The following UTRN variants were observed in gnomAD, a reference collection of about 807,000 sequenced individuals.
UTRN encodes utrophin.
Under a neutral mutation model 463.9 loss-of-function variants are expected in UTRN, and 283 were observed. The observed-to-expected ratio is 0.61, with a 90% confidence interval of 0.55 to 0.67. The LOEUF (loss-of-function observed/expected upper bound fraction) is 0.67, where lower values mean the gene tolerates loss of function less well. UTRN is among the 30% of genes least tolerant of loss of function. The pLI, the probability that UTRN is intolerant of heterozygous loss-of-function variation, is 0.00. For synonymous variants in UTRN, 1,442 were observed against 1,431.5 expected, an observed-to-expected ratio of 1.01 and a Z score of -0.17; for missense variants, 3,922 against 4,084.3, an observed-to-expected ratio of 0.96 and a Z score of 1.08.
intron 51 of UTRN, among the ~76,000 whole-genome samples, chr6:144,633,262 C>G (rs1362234600): frequency 2.2e-5 from 3 of 135,342 alleles, no homozygotes; most frequent in African/African-American, 8.7e-5. Context: ...CGGAGTCTTG[C>G]TCTGTCACCC....
In UTRN at chr6:144,730,440, A is replaced by G. The variant is rs762062969; in HGVS notation, c.7893A>G (p.Pro2631=). ...CCCGAGTTTTCTTGGCTGATCAGCC[A>G]ATTGAGGCCCCTGAAGAGCCAAGAA... ...DQARVFLADQ[P]IEAPEEPRRN... The change falls in exon 54 of 75, where the codon CCA becomes CCG. Residue 2631 remains proline, a synonymous_variant. Transcript: ENST00000367545. 5 of 1,611,248 alleles carry G rather than the reference A, an allele frequency of 3.1e-6. No individual in the cohort carries two copies. The Admixed American group carries it at 6.7e-5, about 22-fold the overall frequency.
chr6:144,710,527 A>G (rs1430673490), intron 53 of UTRN, among the ~76,000 whole-genome samples: 4 of 151,020 alleles, frequency 2.6e-5, no homozygotes, highest in African/African-American at 9.7e-5. Context: ...TTGATCCTTA[A>G]TTAAATGTGC....
intron 19 of UTRN, among the ~76,000 whole-genome samples, chr6:144,458,396 T>C (rs1426011786): frequency 6.6e-6 from 1 of 152,200 alleles, no homozygotes; most frequent in Non-Finnish European, 1.5e-5. Context: ...CAAAGGGTCT[T>C]CTTTCTGAAG....
intron 3 of UTRN, among the ~76,000 whole-genome samples, chr6:144,405,736 C>A (rs1166675315): frequency 6.6e-6 from 1 of 152,142 alleles, no homozygotes; most frequent in African/African-American, 2.4e-5. Flanking sequence ...TCCTTTGTGG[C>A]CTCCTCCCCA....
At chr6:144,504,202 C>T (rs908029683) in intron 34 of UTRN, among the ~76,000 whole-genome samples, 2 of 152,164 alleles carry the variant, frequency 1.3e-5, no homozygotes, top group Non-Finnish European at 2.9e-5. Flanking sequence ...AATTTGACTT[C>T]TTCTCTTCCT....
At chr6:144,687,079 A>T (rs1192789364) in intron 52 of UTRN, among the ~76,000 whole-genome samples, 1 of 152,128 alleles carries the variant, frequency 6.6e-6, no homozygotes, top group Non-Finnish European at 1.5e-5. Context: ...CTGGTCTTGT[A>T]TTGACTTGCA....
chr6:144,523,143 A>C lies in UTRN; in HGVS notation c.5861A>C (p.Asn1954Thr). The stretch of plus-strand genomic sequence containing the variant: ...ATCAGAGATACACTTACTCAGCTGA[A>C]TGCAAAATGGGACAGAATTAATAGA... ...IQIRDTLTQL[N>T]AKWDRINRMY... Residue 1954 changes from asparagine to threonine, a missense_variant, in exon 41 of 75, where the codon AAT (asparagine) becomes ACT (threonine). Asn to Thr is a moderately conservative substitution (Grantham distance 65). Transcript: ENST00000367545. The C allele has an allele frequency of 6.2e-7, 1 of 1,612,906 alleles. No individual in the cohort carries two copies. The highest frequency in any genetic ancestry group is 8.5e-7 in the Non-Finnish European group (1 of 1,179,484).
intron 2 of UTRN, among the ~76,000 whole-genome samples, chr6:144,307,176 A>G (rs1336629441): frequency 6.6e-6 from 1 of 152,164 alleles, no homozygotes; most frequent in Non-Finnish European, 1.5e-5. Context: ...GCAGCGGAAG[A>G]TGAAGAATTA....
intron 65 of UTRN, among the ~76,000 whole-genome samples, chr6:144,814,058 CA>C (rs1562942355): frequency 6.6e-6 from 1 of 152,266 alleles, no homozygotes; most frequent in Non-Finnish European, 1.5e-5. Flanking sequence ...CAGGAAGTCT[CA>C]AACTCAAGTA....
At chr6:144,580,229 G>GTGTTGGTGC (rs139890122) in intron 51 of UTRN, among the ~76,000 whole-genome samples, 2 of 151,016 alleles carry the variant, frequency 1.3e-5, no homozygotes, top group South Asian at 2.1e-4. Context: ...GGCAGTGGTG[G>GTGTTGGTGC]TGGTGGTGCT....
chr6:144,831,221 C>T (rs1465588563), intron 69 of UTRN, among the ~76,000 whole-genome samples: 3 of 152,188 alleles, frequency 2.0e-5, no homozygotes, highest in Admixed American at 1.3e-4. Context: ...TACTACTTTA[C>T]TTGGCAAAAG....
chr6:144,524,147 A>G (rs1796359155), intron 41 of UTRN, among the ~76,000 whole-genome samples: 1 of 152,190 alleles, frequency 6.6e-6, no homozygotes, highest in Non-Finnish European at 1.5e-5. Flanking sequence ...ACATATTTCA[A>G]TGTGACTAAT....
chr6:144,529,832 C>A (rs2128600848), intron 41 of UTRN, among the ~76,000 whole-genome samples: 1 of 152,104 alleles, frequency 6.6e-6, no homozygotes, highest in East Asian at 1.9e-4. Flanking sequence ...TCTCAGAGAT[C>A]ACTTCTAAAA....
At chr6:144,715,768 T>G (rs1786365587) in intron 53 of UTRN, among the ~76,000 whole-genome samples, 1 of 149,222 alleles carries the variant, frequency 6.7e-6, no homozygotes, top group Admixed American at 6.7e-5. Flanking sequence ...TTATTTTCTA[T>G]GTCTTTTTTT....
chr6:144,293,493 A>G (rs1449503620), intron 2 of UTRN, among the ~76,000 whole-genome samples: 1 of 152,172 alleles, frequency 6.6e-6, no homozygotes, highest in Non-Finnish European at 1.5e-5. Context: ...AAATGATAAC[A>G]TGTTTTTAAC....
At chr6:144,308,235 C>T (rs1805928007) in intron 2 of UTRN, among the ~76,000 whole-genome samples, 1 of 152,170 alleles carries the variant, frequency 6.6e-6, no homozygotes, top group Non-Finnish European at 1.5e-5. Flanking sequence ...CTCTTAATTT[C>T]TCTAAGTTCT....
intron 39 of UTRN, 40 bp from the exon 40 acceptor site, chr6:144,521,936 GATAT>G (rs371296883): frequency 4.6e-4 from 389 of 840,012 alleles, no homozygotes; most frequent in Middle Eastern, 1.3e-3. Flanking sequence ...TATTTTAAGA[GATAT>G]ATATATATAT....
chr6:144,623,210 T>A (rs1275022357), intron 51 of UTRN, among the ~76,000 whole-genome samples: 2 of 151,970 alleles, frequency 1.3e-5, no homozygotes, highest in Non-Finnish European at 2.9e-5. Flanking sequence ...AATTTCTTCA[T>A]CTGTAATATG....
At chr6:144,318,015 T>G (rs1020989296) in intron 2 of UTRN, among the ~76,000 whole-genome samples, 3 of 152,182 alleles carry the variant, frequency 2.0e-5, no homozygotes, top group African/African-American at 7.2e-5. Flanking sequence ...TTTGACCTAT[T>G]ATCTCTTTTT....
Sources: gnomAD v4.1 joint callset for allele counts (sites outside exome capture counted in the v4.1 genomes callset) on GRCh38, gnomAD v4.1.1 for gene constraint, MANE v1.5 for transcripts, NCBI Gene and HGNC (gene_info 2026-07-23, HGNC 2026-07-21) for gene names.